Variants in DIS3L2 observed in about 807,000 individuals in gnomAD.
DIS3L2 encodes DIS3 like 3'-5' exoribonuclease 2, also known as DIS3-like exonuclease 2.
A neutral mutation model predicts 97.5 loss-of-function variants in DIS3L2; 34 were observed. The ratio of observed to expected loss-of-function variants is 0.35; its 90% confidence interval spans 0.27 to 0.46. The LOEUF is 0.46. Among genes scored for constraint, DIS3L2 ranks in the 20% least tolerant of loss-of-function variants. The probability of loss-of-function intolerance (pLI) is 1.00; values close to 1 mark genes in which losing one functional copy is unlikely to be tolerated. For synonymous variants in DIS3L2, 435 were observed against 445.2 expected (o/e 0.98, Z 0.29); for missense variants, 1,038 against 1,146.0 (o/e 0.91, Z 1.36).
intron 12 of DIS3L2, among the ~76,000 whole-genome samples, chr2:232,249,764 C>A (rs1693367553): frequency 6.6e-6 from 1 of 152,174 alleles, no homozygotes; most frequent in Admixed American, 6.5e-5. Flanking sequence ...GGGGTGAAAT[C>A]AAACTGGAGA....
chr2:232,240,838 G>A (rs965006322), intron 11 of DIS3L2, among the ~76,000 whole-genome samples: 2 of 152,208 alleles, frequency 1.3e-5, no homozygotes, highest in Non-Finnish European at 1.5e-5. Flanking sequence ...TAGCTGCTGC[G>A]CTCTCCTTTT....
At chr2:232,068,991 A>G (rs943576460) in intron 5 of DIS3L2, among the ~76,000 whole-genome samples, 1 of 151,772 alleles carries the variant, frequency 6.6e-6, no homozygotes, top group Non-Finnish European at 1.5e-5. Context: ...TAATTTTTAT[A>G]TTTGTATTAG....
chr2:232,084,499 A>G (rs1021883183), intron 5 of DIS3L2, among the ~76,000 whole-genome samples: 6 of 152,184 alleles, frequency 3.9e-5, no homozygotes, highest in African/African-American at 1.2e-4. Flanking sequence ...CAGATTAGGG[A>G]TGTTCAACCT....
At chr2:232,279,905 T>A (rs1003213393) in intron 13 of DIS3L2, among the ~76,000 whole-genome samples, 1 of 152,222 alleles carries the variant, frequency 6.6e-6, no homozygotes, top group African/African-American at 2.4e-5. Flanking sequence ...TCTCCTAGTC[T>A]TTGGCTTGTC....
chr2:232,077,947 C>T (rs912746778), intron 5 of DIS3L2, among the ~76,000 whole-genome samples: 2 of 143,508 alleles, frequency 1.4e-5, no homozygotes, highest in Non-Finnish European at 3.1e-5. Flanking sequence ...CTTTCTTTTT[C>T]TTTCTTTCTC....
In DIS3L2 at chr2:232,015,626, C is replaced by T; in HGVS notation, c.165C>T (p.Ser55=). 6.2e-7 allele frequency: 1 copy of T among 1,613,924 alleles called. No homozygotes were observed. The highest frequency in any genetic ancestry group is 8.5e-7 in the Non-Finnish European group (1 of 1,179,908). The change falls in exon 3 of 21, where the codon TCC becomes TCT. Residue 55 remains serine (S), a synonymous_variant. Coordinates refer to ENST00000325385, the MANE Select transcript of DIS3L2 (RefSeq NM_152383.5). ...AGAGCATATTTGAAACTTACATGTCCAAGGAGGATGTTTCAGAAGGCTTGA... is the reference window on the plus strand; with the variant it reads ...AGAGCATATTTGAAACTTACATGTCTAAGGAGGATGTTTCAGAAGGCTTGA... ...KKKSIFETYM[S]KEDVSEGLKR...
At position 232,081,201 on chromosome 2, in the gene DIS3L2, A is replaced by C. The variant is rs537289044; in HGVS notation, c.367-6286A>C. On this transcript the variant is annotated intron_variant, in intron 5 of 20. Transcript: ENST00000325385. ...TAGGTGGTGATGTGTACTTCCTGAT[A>C]TAGTGAATCAGGAAGCACTTTGGTT... Among the ~76,000 whole-genome samples, 9 of 152,268 alleles carry C rather than the reference A, an allele frequency of 5.9e-5. No individual in the cohort carries two copies. In the East Asian group the frequency reaches 1.7e-3, roughly 29 times the overall value.
intron 9 of DIS3L2, among the ~76,000 whole-genome samples, chr2:232,205,881 G>A (rs1194896930): frequency 6.6e-6 from 1 of 152,220 alleles, no homozygotes; most frequent in Non-Finnish European, 1.5e-5. Flanking sequence ...ATTGTCACAA[G>A]TAGAGTGTTT....
chr2:232,081,016 T>C (rs1321149937), intron 5 of DIS3L2, among the ~76,000 whole-genome samples: 2 of 152,240 alleles, frequency 1.3e-5, no homozygotes, highest in African/African-American at 4.8e-5. Context: ...CTTACCCTTT[T>C]TTCTTGCAAT....
chr2:232,316,071 C>A (rs749267761), intron 14 of DIS3L2, among the ~76,000 whole-genome samples: 1 of 152,162 alleles, frequency 6.6e-6, no homozygotes, highest in Non-Finnish European at 1.5e-5. Flanking sequence ...TCGGGGACCC[C>A]GCTCTCAGCA....
chr2:232,286,169 G>A (rs368256484), intron 13 of DIS3L2, among the ~76,000 whole-genome samples: 2 of 152,116 alleles, frequency 1.3e-5, no homozygotes, highest in Admixed American at 6.5e-5. Context: ...GACCCAGCAG[G>A]GCCTTGGAAG....
intron 5 of DIS3L2, among the ~76,000 whole-genome samples, chr2:232,068,880 G>A (rs78545924): frequency 0.066 from 9,985 of 151,958 alleles, 1,106 homozygotes; most frequent in East Asian, 0.5. Flanking sequence ...GTGCAGTGGC[G>A]ATCTCGGCTC....
chr2:232,262,955 G>A (rs1401352436), intron 12 of DIS3L2, among the ~76,000 whole-genome samples: 1 of 152,142 alleles, frequency 6.6e-6, no homozygotes, highest in Non-Finnish European at 1.5e-5. Flanking sequence ...CCACTGGTGT[G>A]CTTGGGGACC....
Position 232,037,161 on chromosome 2 carries a change from G to C in DIS3L2, c.366+7081G>C, listed in dbSNP as rs532310377. On this transcript the variant is annotated intron_variant, in intron 5 of 20. Transcript: ENST00000325385. The surrounding 1 kb of genome is among the most constrained non-coding windows in gnomAD (Gnocchi z 4.6). ...ATCCGCCCCTTCCCCCAGGTGCTCTGTCCCAGGGAGATGGGAGTTTTACCT... is the reference window on the plus strand; with the variant it reads ...ATCCGCCCCTTCCCCCAGGTGCTCTCTCCCAGGGAGATGGGAGTTTTACCT... Among the ~76,000 whole-genome samples the C allele has an allele frequency of 3.9e-5, 6 of 152,344 alleles. No individual in the cohort carries two copies. The highest frequency in any genetic ancestry group is 1.4e-4 in the African/African-American group (6 of 41,584).
At chr2:232,139,174 A>G (rs1209751657) in intron 8 of DIS3L2, among the ~76,000 whole-genome samples, 1 of 152,222 alleles carries the variant, frequency 6.6e-6, no homozygotes, top group Non-Finnish European at 1.5e-5. Flanking sequence ...AGAGCAGGAA[A>G]TGGAGGAAGT....
At chr2:232,050,540 T>C (rs541427376) in intron 5 of DIS3L2, among the ~76,000 whole-genome samples, 207 of 152,024 alleles carry the variant, frequency 1.4e-3, no homozygotes, top group African/African-American at 4.8e-3. Flanking sequence ...CCTCCCAAAG[T>C]GTTGGGATTA....
rs723044 is a variant in DIS3L2, at chr2:232,014,961, C to A, written c.34C>A (p.Pro12Thr). The change falls in exon 2 of 21, where the codon CCC (proline) becomes ACC (threonine). Residue 12 changes from proline to threonine, a missense_variant. Pro to Thr is a conservative substitution (Grantham distance 38). This residue lies in a region of DIS3L2 where 813 missense variants were observed against 880.1 expected (regional missense o/e 0.92). Transcript: ENST00000325385. ...SHPDYRMNLR[P>T]LGTPRGVSAV... ...TCCTGACTACAGAATGAACCTCCGG[C>A]CCCTGGGGACCCCCAGAGGTAGTAA... is the stretch of plus-strand genomic sequence containing the variant. 38 of 1,613,736 alleles carry A rather than the reference C, an allele frequency of 2.4e-5. No homozygotes were observed. Among genetic ancestry groups the A allele is most frequent in the Admixed American group, 3.3e-5 (2 of 59,986 alleles).
intron 6 of DIS3L2, among the ~76,000 whole-genome samples, chr2:232,091,150 T>C (rs1574867777): frequency 6.6e-6 from 1 of 152,208 alleles, no homozygotes; most frequent in South Asian, 2.1e-4. Context: ...CTGCCATCCA[T>C]GTGGAGCTTA....
intron 13 of DIS3L2, among the ~76,000 whole-genome samples, chr2:232,267,304 A>G (rs1359142286): frequency 3.3e-5 from 5 of 152,234 alleles, no homozygotes; most frequent in Non-Finnish European, 7.3e-5. Flanking sequence ...AGGTGGGATT[A>G]CCTGCTCCAA....
Sources: gnomAD v4.1 joint callset for allele counts (sites outside exome capture counted in the v4.1 genomes callset) on GRCh38, gnomAD v4.1.1 for gene constraint, gnomAD v4.1.1 regional missense constraint, Gnocchi (gnomAD v3.1) non-coding constraint, MANE v1.5 for transcripts, NCBI Gene and HGNC (gene_info 2026-07-23, HGNC 2026-07-21) for gene names.